The following OTOP1 variants were observed in gnomAD, a reference collection of about 807,000 sequenced individuals.
OTOP1 encodes the protein proton channel OTOP1.
Under a neutral mutation model 52.9 loss-of-function variants are expected in OTOP1, and 59 were observed. That is an observed-to-expected ratio of 1.12 (90% confidence interval 0.91 to 1.39). The LOEUF (loss-of-function observed/expected upper bound fraction) is 1.39. Among genes scored for constraint, OTOP1 ranks in the 40% most tolerant of loss-of-function variants. OTOP1 has a pLI of 0.00. For synonymous variants in OTOP1, 317 were observed against 337.7 expected, an observed-to-expected ratio of 0.94 and a Z score of 0.67; for missense variants, 761 against 800.9, an observed-to-expected ratio of 0.95 and a Z score of 0.60.
At chr4:4,201,198 G>A (rs1350419277) in intron 4 of OTOP1, among the ~76,000 whole-genome samples, 2 of 152,172 alleles carry the variant, frequency 1.3e-5, no homozygotes, top group Non-Finnish European at 2.9e-5. Context: ...GGAGGCCAAG[G>A]CAGGTGGATC....
At chr4:4,197,108 C>T in intron 5 of OTOP1, 58 bp downstream of exon 5, 3 of 1,510,542 alleles carry the variant, frequency 2.0e-6, no homozygotes, top group South Asian at 1.3e-5. Flanking sequence ...ACCCCTTGAA[C>T]CGAAAATGAA....
intron 2 of OTOP1, among the ~76,000 whole-genome samples, chr4:4,206,767 C>A (rs907428919): frequency 1.3e-5 from 2 of 152,160 alleles, no homozygotes; most frequent in African/African-American, 4.8e-5. Flanking sequence ...ATCTGTTTTC[C>A]CACAGGAACT....
chr4:4,191,005 C>A (rs1716491519), intron 5 of OTOP1, among the ~76,000 whole-genome samples: 1 of 152,176 alleles, frequency 6.6e-6, no homozygotes, highest in Non-Finnish European at 1.5e-5. Context: ...GGACCACATC[C>A]AAGAACCCCA....
chr4:4,194,386 G>A (rs1476842722), intron 5 of OTOP1, among the ~76,000 whole-genome samples: 8 of 152,162 alleles, frequency 5.3e-5, no homozygotes, highest in Admixed American at 2.0e-4. Flanking sequence ...CATAGCCCCT[G>A]GCATACAGCA....
chr4:4,212,975 C>T lies in OTOP1; in HGVS notation c.433G>A (p.Val145Ile), dbSNP rs199937755. The change falls in exon 2 of 6, where the codon GTC becomes ATC. Residue 145 changes from valine (V) to isoleucine (I), a missense_variant. Val to Ile is a conservative substitution (Grantham distance 29, BLOSUM62 3). This residue lies in a region of OTOP1 where 632 missense variants were observed against 619.5 expected (regional missense o/e 1.02). Transcript: ENST00000296358. ...GSITLFAVIT[V>I]ILGCLKIGYF... is the part of the protein sequence containing the mutation. ...CCAATTTTAAGGCATCCCAGGATGA[C>T]GGTAATGACTGCAAACAATGTGATA... 6.0e-5 allele frequency: 97 copies of T among 1,613,738 alleles called. No individual in the cohort carries two copies. In the African/African-American group the frequency reaches 6.8e-4, roughly 11 times the overall value.
rs562980179 is a variant in OTOP1, at chr4:4,196,428, G to A, written c.1668+738C>T. ...AAAAATTAGCCAAGTGTGGTGGCAG[G>A]TGCCTGTAATCCCAGCTACTCTGGA... On this transcript the variant is annotated intron_variant, in intron 5 of 5. Transcript: ENST00000296358. Among the ~76,000 whole-genome samples, 22 of 152,064 alleles carry A rather than the reference G, an allele frequency of 1.4e-4. No homozygotes were observed. The South Asian group carries it at 3.7e-3, about 26-fold the overall frequency.
chr4:4,225,484 G>C (rs937888280), intron 1 of OTOP1, among the ~76,000 whole-genome samples: 1 of 151,090 alleles, frequency 6.6e-6, no homozygotes, highest in Non-Finnish European at 1.5e-5. Flanking sequence ...TGGGAGGATT[G>C]CTTGAGCCCA....
intron 2 of OTOP1, among the ~76,000 whole-genome samples, chr4:4,209,813 C>G (rs1042602749): frequency 6.6e-6 from 1 of 152,162 alleles, no homozygotes; most frequent in Non-Finnish European, 1.5e-5. Context: ...GCTTACAAGC[C>G]GTACACCAAA....
Position 4,197,995 on chromosome 4 carries a change from AG to A in OTOP1, c.838del (p.Leu280TrpfsTer40). 1 of 1,614,130 alleles carries A rather than the reference AG, an allele frequency of 6.2e-7. No homozygotes were observed. Among genetic ancestry groups the A allele is most frequent in the Non-Finnish European group, 8.5e-7 (1 of 1,180,032 alleles). ...CAGGACGTAGAGCATTGTGGAGGCC[AG>A]GATCTGATACTCTATGTTGAAGGGG... ...LYPFNIEYQI[L>X]ASTMLYVLWK... is the part of the protein sequence containing the mutation. On this transcript the variant is annotated frameshift_variant, in exon 5 of 6. Coordinates refer to ENST00000296358, the MANE Select transcript of OTOP1 (RefSeq NM_177998.3). LOFTEE classifies it high-confidence loss of function.
intron 3 of OTOP1, among the ~76,000 whole-genome samples, chr4:4,204,589 A>C (rs548119663): frequency 1.3e-5 from 2 of 152,134 alleles, no homozygotes; most frequent in East Asian, 3.9e-4. Context: ...TCCACAAACC[A>C]AGGGCAGACG....
chr4:4,193,014 G>C (rs941789300), intron 5 of OTOP1, among the ~76,000 whole-genome samples: 3 of 152,162 alleles, frequency 2.0e-5, no homozygotes, highest in African/African-American at 7.2e-5. Context: ...GAAAGTGGGT[G>C]CAATGGGAAA....
Position 4,226,583 on chromosome 4 carries a change from G to T in OTOP1, c.282C>A (p.Cys94Ter), listed in dbSNP as rs746051425. 5 of 1,604,812 alleles carry T rather than the reference G, an allele frequency of 3.1e-6. No homozygotes were observed. The highest frequency in any genetic ancestry group is 4.2e-6 in the Non-Finnish European group (5 of 1,178,462). Residue 94 changes from cysteine to a stop codon, truncating the protein, a stop_gained, in exon 1 of 6, where the codon TGC (cysteine) becomes TGA (stop). Transcript: ENST00000296358. LOFTEE classifies it high-confidence loss of function. The part of the protein sequence containing the change: ...AAGVSKSDLL[C>*]FLTALMLLQL... The stretch of plus-strand genomic sequence containing the variant: ...GCAGCAGCATGAGCGCCGTCAGGAA[G>T]CACAGCAGGTCGCTCTTGCTCACGC...
At chr4:4,213,502 A>G (rs1717068064) in intron 1 of OTOP1, among the ~76,000 whole-genome samples, 2 of 152,192 alleles carry the variant, frequency 1.3e-5, no homozygotes, top group African/African-American at 4.8e-5. Context: ...CTAATAAGTC[A>G]TTAATATCCA....
chr4:4,224,160 A>G (rs1717368678), intron 1 of OTOP1, among the ~76,000 whole-genome samples: 1 of 152,056 alleles, frequency 6.6e-6, no homozygotes, highest in African/African-American at 2.4e-5. Context: ...CAGTCTGGCC[A>G]ACATGATGAA....
chr4:4,202,218 C>A (rs1180562837), intron 4 of OTOP1, among the ~76,000 whole-genome samples: 1 of 152,192 alleles, frequency 6.6e-6, no homozygotes, highest in Non-Finnish European at 1.5e-5. Context: ...GTGGGTCTTA[C>A]AAGTCCCTGA....
chr4:4,193,633 CAA>C (rs1312715885), intron 5 of OTOP1, among the ~76,000 whole-genome samples: 2 of 152,152 alleles, frequency 1.3e-5, no homozygotes, highest in East Asian at 3.9e-4. Context: ...TCCTCTGCTT[CAA>C]TCCCCCAGAA....
intron 1 of OTOP1, among the ~76,000 whole-genome samples, chr4:4,221,370 C>A (rs1402908199): frequency 6.6e-6 from 1 of 152,076 alleles, no homozygotes; most frequent in African/African-American, 2.4e-5. Context: ...CTGTAGTGAG[C>A]TATAATCACA....
At chr4:4,220,105 A>ATATATTTTT (rs1434375771) in intron 1 of OTOP1, among the ~76,000 whole-genome samples, 11 of 59,394 alleles carry the variant, frequency 1.9e-4, no homozygotes, top group African/African-American at 4.6e-4. Context: ...ATATATATAT[A>ATATATTTTT]TTTTTTTTTT....
rs116159337 is a variant in OTOP1, at chr4:4,225,667, C to G, written c.403+795G>C. Among the ~76,000 whole-genome samples the G allele has an allele frequency of 8.4e-3, 1,277 of 152,220 alleles. 23 individuals are homozygous for G. The highest frequency in any genetic ancestry group is 0.029 in the African/African-American group (1,193 of 41,500). On this transcript the variant is annotated intron_variant, in intron 1 of 5. Coordinates refer to ENST00000296358, the MANE Select transcript of OTOP1 (RefSeq NM_177998.3). Reference sequence around the variant, plus strand: ...TGAGTACCAGCAGGAGCCTCTATCCCTCTTTGCCCCACCCTGCATCCACGC... The same window carrying G: ...TGAGTACCAGCAGGAGCCTCTATCCGTCTTTGCCCCACCCTGCATCCACGC...
Sources: gnomAD v4.1 joint callset for allele counts (sites outside exome capture counted in the v4.1 genomes callset) on GRCh38, gnomAD v4.1.1 for gene constraint, gnomAD v4.1.1 regional missense constraint, MANE v1.5 for transcripts, NCBI Gene and HGNC (gene_info 2026-07-23, HGNC 2026-07-21) for gene names.